Variants in NDE1 observed in about 807,000 individuals in gnomAD.
The protein encoded by NDE1 is nuclear distribution protein nudE homolog 1.
NDE1 carries 28 observed loss-of-function variants against 43.4 expected under a neutral mutation model. The ratio of observed to expected loss-of-function variants is 0.65; its 90% CI spans 0.48 to 0.89. The LOEUF is 0.89. NDE1 is among the 40% of genes least tolerant of loss of function. NDE1 has a pLI of 0.00. For missense variants in NDE1, 441 were observed against 434.1 expected, an observed-to-expected ratio of 1.02 and a Z score of -0.14; for synonymous variants, 184 against 172.0, an observed-to-expected ratio of 1.07 and a Z score of -0.55.
chr16:15,704,128 G>C, intron 8 of NDE1: 1 of 1,613,814 alleles, frequency 6.2e-7, no homozygotes, highest in Non-Finnish European at 8.5e-7. Flanking sequence ...CCTCGCCTGT[G>C]GGTTGTAAGA....
intron 8 of NDE1, chr16:15,714,797 G>T: frequency 7.7e-7 from 1 of 1,305,944 alleles, no homozygotes. Flanking sequence ...AACCACAGAA[G>T]GGAGTGGCGG....
intron 2 of NDE1, 26 bp downstream of exon 2, chr16:15,664,887 C>CTTT: frequency 8.8e-5 from 118 of 1,341,260 alleles, no homozygotes; most frequent in Non-Finnish European, 9.9e-5. Flanking sequence ...CCTGCTTTTC[C>CTTT]TTTTTTTTTT....
chr16:15,649,500 G>C (rs930972319), upstream of NDE1: 2 of 152,144 alleles, frequency 1.3e-5, no homozygotes, highest in Admixed American at 1.3e-4. Flanking sequence ...CTAATTTTTT[G>C]TATCTTTAGT....
chr16:15,653,643 C>G (rs2036608832), intron 1 of NDE1, among the ~76,000 whole-genome samples: 1 of 150,568 alleles, frequency 6.6e-6, no homozygotes, highest in Non-Finnish European at 1.5e-5. Context: ...GTTTTAAAAT[C>G]AGAGGTGTGT....
intron 4 of NDE1, among the ~76,000 whole-genome samples, chr16:15,681,252 C>T (rs1166919150): frequency 3.0e-5 from 1 of 33,456 alleles, no homozygotes; most frequent in Non-Finnish European, 5.7e-5. Context: ...TTAAACACTG[C>T]CTTTTTTTTT....
intron 8 of NDE1, among the ~76,000 whole-genome samples, chr16:15,704,777 C>T (rs1255624418): frequency 1.3e-5 from 2 of 152,152 alleles, no homozygotes; most frequent in South Asian, 2.1e-4. Flanking sequence ...TGGAACATAC[C>T]GCACATGGCG....
Position 15,696,763 on chromosome 16 carries a change from A to C in NDE1, c.850A>C (p.Asn284His), listed in dbSNP as rs535922076. The C allele has an allele frequency of 1.9e-6, 3 of 1,614,200 alleles. No individual in the cohort carries two copies. Among genetic ancestry groups the C allele is most frequent in the Non-Finnish European group, 2.5e-6 (3 of 1,180,026 alleles). ...CRNLVYDQSPNRTGGPASGRS... is the reference protein window; with the variant it reads ...CRNLVYDQSPHRTGGPASGRS... ...GAACCTCGTGTACGATCAGTCCCCA[A>C]ACCGAACAGGTGGCCCAGCCTCTGG... The change falls in exon 8 of 9, where the codon AAC becomes CAC. Residue 284 changes from asparagine to histidine, a missense_variant. Physicochemically the swap from Asn to His is moderately conservative, Grantham distance 68 (BLOSUM62 1). Coordinates refer to ENST00000396354, the MANE Select transcript of NDE1 (RefSeq NM_017668.3).
At chr16:15,698,076 A>G (rs529557383) in intron 8 of NDE1, among the ~76,000 whole-genome samples, 50 of 152,258 alleles carry the variant, frequency 3.3e-4, no homozygotes, top group African/African-American at 1.2e-3. Context: ...TGCTGGGATT[A>G]CAGGCGTGAG....
In NDE1 at chr16:15,725,825, T is replaced by G. The variant is rs569828305; in HGVS notation, c.*1574T>G. 1.5e-5 allele frequency: 6 copies of G among 397,486 alleles called. No individual in the cohort carries two copies. In the South Asian group the frequency reaches 7.9e-4, roughly 52 times the overall value. 24.6% of individuals were successfully genotyped at this position (397,486 alleles called of 1,614,324 possible). On this transcript the variant is annotated 3_prime_UTR_variant, in exon 9 of 9. Coordinates refer to ENST00000396354, the MANE Select transcript of NDE1 (RefSeq NM_017668.3). The stretch of plus-strand genomic sequence containing the variant: ...GAAGACCAAAGACAAAAAGACCATG[T>G]CATTCAGCAGCTTAAAACCCCTCAA...
At chr16:15,715,011 C>A in intron 8 of NDE1, 2 of 1,613,918 alleles carry the variant, frequency 1.2e-6, no homozygotes, top group Non-Finnish European at 1.7e-6. Flanking sequence ...GGCGTTGATG[C>A]GCTGGGACTC....
chr16:15,652,494 C>G (rs779801159), intron 1 of NDE1, among the ~76,000 whole-genome samples: 2 of 152,172 alleles, frequency 1.3e-5, no homozygotes, highest in Non-Finnish European at 2.9e-5. Flanking sequence ...GATGTGGGTG[C>G]TTTTTGTCTG....
At chr16:15,683,931 G>T (rs1009024683) in intron 4 of NDE1, among the ~76,000 whole-genome samples, 2 of 151,966 alleles carry the variant, frequency 1.3e-5, no homozygotes, top group African/African-American at 2.4e-5. Context: ...GGAGGTTGAG[G>T]TAAGAAGGTG....
chr16:15,699,289 TCA>T (rs2039142173), intron 8 of NDE1, among the ~76,000 whole-genome samples: 2 of 150,848 alleles, frequency 1.3e-5, no homozygotes, highest in Non-Finnish European at 2.9e-5. Context: ...AGACAGGGTC[TCA>T]CTCTGTCACC....
intron 6 of NDE1, among the ~76,000 whole-genome samples, chr16:15,693,505 A>G (rs1200425677): frequency 6.6e-6 from 1 of 152,172 alleles, no homozygotes; most frequent in Non-Finnish European, 1.5e-5. Flanking sequence ...GGTTTGTTTA[A>G]AAAGACTAAT....
chr16:15,663,045 G>A (rs186483867), intron 1 of NDE1, among the ~76,000 whole-genome samples: 1 of 152,024 alleles, frequency 6.6e-6, no homozygotes, highest in African/African-American at 2.4e-5. Flanking sequence ...TTGCCACTAA[G>A]TTTCTTAACA....
intron 8 of NDE1, chr16:15,714,576 G>T (rs1043731273): frequency 1.1e-5 from 5 of 463,072 alleles, no homozygotes; most frequent in Non-Finnish European, 2.0e-5. Context: ...AGCTTCAATG[G>T]ATGTCGTGAA....
rs551758626 is a variant in NDE1, at chr16:15,643,398, C to T, written c.-695C>T. Reference sequence around the variant, plus strand: ...AAAACCCCCAGTTTAAGGAGGCCTTCCCCCTGGCTTCACGTTGTGGAGTCG... The same window carrying T: ...AAAACCCCCAGTTTAAGGAGGCCTTTCCCCTGGCTTCACGTTGTGGAGTCG... On this transcript the variant is annotated 5_prime_UTR_variant, in exon 1 of 10. Transcript: ENST00000396355. The T allele has an allele frequency of 2.7e-5, 13 of 485,856 alleles. No homozygotes were observed. Among genetic ancestry groups the T allele is most frequent in the East Asian group, 2.0e-4 (3 of 14,714 alleles). 30.1% of individuals were successfully genotyped at this position (485,856 alleles called of 1,614,324 possible).
intron 1 of NDE1, among the ~76,000 whole-genome samples, chr16:15,662,985 C>T (rs1037120555): frequency 6.6e-6 from 1 of 152,132 alleles, no homozygotes; most frequent in Non-Finnish European, 1.5e-5. Flanking sequence ...AGCAGGAGAG[C>T]CCATCATATC....
At chr16:15,705,280 C>G (rs939350521) in intron 8 of NDE1, among the ~76,000 whole-genome samples, 2 of 152,184 alleles carry the variant, frequency 1.3e-5, no homozygotes, top group African/African-American at 4.8e-5. Context: ...GTGCACCTGG[C>G]CTCTGAGGTG....
Sources: gnomAD v4.1 joint callset for allele counts (sites outside exome capture counted in the v4.1 genomes callset) on GRCh38, gnomAD v4.1.1 for gene constraint, MANE v1.5 for transcripts, NCBI Gene and HGNC (gene_info 2026-07-23, HGNC 2026-07-21) for gene names.